AKAP6: variants seen among roughly 807,000 people sequenced by gnomAD.
AKAP6 encodes A-kinase anchor protein 6.
In AKAP6, 58 loss-of-function variants were observed where a neutral mutation model predicts 188.5. The observed-to-expected ratio is 0.31, with a 90% CI of 0.25 to 0.38. AKAP6 has a LOEUF of 0.38. AKAP6 is among the 10% of genes least tolerant of loss of function. The pLI, the probability that AKAP6 is intolerant of heterozygous loss-of-function variation, is 1.00. For missense variants in AKAP6, 2,710 were observed against 2,740.0 expected, an observed-to-expected ratio of 0.99 and a Z score of 0.24; for synonymous variants, 989 against 998.6, an observed-to-expected ratio of 0.99 and a Z score of 0.18.
chr14:32,766,411 T>C (rs2032721661), intron 11 of AKAP6, among the ~76,000 whole-genome samples: 1 of 152,166 alleles, frequency 6.6e-6, no homozygotes, highest in African/African-American at 2.4e-5. Flanking sequence ...ATTATATGTT[T>C]AACTTTTTGA....
intron 12 of AKAP6, among the ~76,000 whole-genome samples, chr14:32,812,398 C>T (rs1013023196): frequency 6.6e-6 from 1 of 151,604 alleles, no homozygotes; most frequent in African/African-American, 2.4e-5. Flanking sequence ...TTAAAAAATT[C>T]ATTTTAAACA....
chr14:32,692,649 C>A (rs146860859), intron 8 of AKAP6, among the ~76,000 whole-genome samples: 192 of 152,292 alleles, frequency 1.3e-3, no homozygotes, highest in African/African-American at 4.2e-3. Flanking sequence ...TGAAGTCATT[C>A]TTGCCCCACT....
chr14:32,573,221 G>T (rs1884571853), intron 4 of AKAP6, among the ~76,000 whole-genome samples: 1 of 152,180 alleles, frequency 6.6e-6, no homozygotes, highest in African/African-American at 2.4e-5. Context: ...AGGCTAAAAT[G>T]CAGCCTTTCA....
chr14:32,400,231 AT>A (rs747009979), intron 1 of AKAP6, among the ~76,000 whole-genome samples: 9,134 of 144,118 alleles, frequency 0.063, 377 homozygotes, highest in Non-Finnish European at 0.092. Flanking sequence ...CTGTGGGTGG[AT>A]TTTTTTTTTT....
chr14:32,355,106 G>A (rs1053085193), intron 1 of AKAP6, among the ~76,000 whole-genome samples: 9 of 152,284 alleles, frequency 5.9e-5, no homozygotes, highest in East Asian at 1.9e-4. Context: ...TGGAGTCTGT[G>A]ATCTACCTCA....
chr14:32,545,266 G>C lies in AKAP6; in HGVS notation c.613G>C (p.Gly205Arg). 1 of 1,614,044 alleles carries C rather than the reference G, an allele frequency of 6.2e-7. No individual in the cohort carries two copies. The highest frequency in any genetic ancestry group is 8.5e-7 in the Non-Finnish European group (1 of 1,179,962). The change falls in exon 4 of 14, where the codon GGA (glycine) becomes CGA (arginine). Residue 205 changes from glycine (G) to arginine (R), a missense_variant. Physicochemically the swap from Gly to Arg is moderately radical, Grantham distance 125. Transcript: ENST00000280979. ...TTCTCTAACAGAAGTGGATGACTCAGGACAATTAACCATCAAATGTTCTCA... is the reference window on the plus strand; with the variant it reads ...TTCTCTAACAGAAGTGGATGACTCACGACAATTAACCATCAAATGTTCTCA... The part of the protein sequence containing the change: ...LDSLTEVDDS[G>R]QLTIKCSQNY...
intron 3 of AKAP6, among the ~76,000 whole-genome samples, chr14:32,541,645 T>G (rs1882960431): frequency 6.6e-6 from 1 of 152,200 alleles, no homozygotes; most frequent in Admixed American, 6.5e-5. Flanking sequence ...TGTTGCAAAT[T>G]TCAGCTACAT....
intron 11 of AKAP6, among the ~76,000 whole-genome samples, chr14:32,760,948 G>A (rs1222717064): frequency 6.6e-6 from 1 of 152,150 alleles, no homozygotes; most frequent in Non-Finnish European, 1.5e-5. Flanking sequence ...AAATGACCCT[G>A]AGAGTATTAC....
At chr14:32,392,370 T>C (rs1412261069) in intron 1 of AKAP6, among the ~76,000 whole-genome samples, 1 of 152,104 alleles carries the variant, frequency 6.6e-6, no homozygotes, top group Non-Finnish European at 1.5e-5. Flanking sequence ...ATGACCTCTG[T>C]GATGGATTAG....
At chr14:32,496,506 G>A (rs2138965950) in intron 2 of AKAP6, among the ~76,000 whole-genome samples, 1 of 151,888 alleles carries the variant, frequency 6.6e-6, no homozygotes, top group South Asian at 2.1e-4. Context: ...TTGATATATT[G>A]GATGTTAAAT....
intron 2 of AKAP6, among the ~76,000 whole-genome samples, chr14:32,439,964 G>T (rs1275593333): frequency 6.6e-6 from 1 of 151,858 alleles, no homozygotes; most frequent in Non-Finnish European, 1.5e-5. Context: ...TTTCATTTTT[G>T]CCCTTTAGAT....
At chr14:32,402,753 A>G (rs1234342296) in intron 1 of AKAP6, among the ~76,000 whole-genome samples, 1 of 151,216 alleles carries the variant, frequency 6.6e-6, no homozygotes, top group Non-Finnish European at 1.5e-5. Flanking sequence ...TCTTTGAGAC[A>G]GAGCTTTGCT....
intron 2 of AKAP6, among the ~76,000 whole-genome samples, chr14:32,466,234 C>T (rs1878422234): frequency 6.6e-6 from 1 of 152,048 alleles, no homozygotes; most frequent in African/African-American, 2.4e-5. Flanking sequence ...GGGTAAATAC[C>T]CAAAGGATTA....
intron 12 of AKAP6, 47 bp from the exon 13 acceptor site, chr14:32,821,355 T>C (rs750312779): frequency 1.8e-5 from 27 of 1,521,386 alleles, no homozygotes; most frequent in Non-Finnish European, 2.1e-5. Flanking sequence ...ATTTTCATGC[T>C]TGTGTTCCCT....
At chr14:32,553,362 C>T (rs1248112078) in intron 4 of AKAP6, among the ~76,000 whole-genome samples, 4 of 151,786 alleles carry the variant, frequency 2.6e-5, no homozygotes, top group Non-Finnish European at 4.4e-5. Flanking sequence ...TTAGTAGAAA[C>T]GGGGTTTCAT....
chr14:32,495,411 T>C (rs1234771199), intron 2 of AKAP6: 1 of 152,210 alleles, frequency 6.6e-6, no homozygotes, highest in Non-Finnish European at 1.5e-5. Context: ...TCAGGTAGGC[T>C]GTTGTTTATC....
intron 1 of AKAP6, among the ~76,000 whole-genome samples, chr14:32,418,600 A>G (rs1253123607): frequency 6.6e-6 from 1 of 152,158 alleles, no homozygotes; most frequent in Non-Finnish European, 1.5e-5. Flanking sequence ...TTTAAAAAAA[A>G]TCTTGTTTCT....
chr14:32,431,811 G>A (rs762836760), intron 1 of AKAP6, among the ~76,000 whole-genome samples: 8 of 152,218 alleles, frequency 5.3e-5, no homozygotes, highest in Non-Finnish European at 7.3e-5. Flanking sequence ...ACCACGTCTG[G>A]CCTTCTCCTC....
At chr14:32,525,802 T>G (rs1882091571) in intron 2 of AKAP6, among the ~76,000 whole-genome samples, 1 of 152,194 alleles carries the variant, frequency 6.6e-6, no homozygotes, top group African/African-American at 2.4e-5. Flanking sequence ...AGTGTGGCAT[T>G]ATAGATAACC....
Sources: gnomAD v4.1 joint callset for allele counts (sites outside exome capture counted in the v4.1 genomes callset) on GRCh38, gnomAD v4.1.1 for gene constraint, MANE v1.5 for transcripts, NCBI Gene and HGNC (gene_info 2026-07-23, HGNC 2026-07-21) for gene names.